NHSL1: variants seen among roughly 807,000 people sequenced by gnomAD.
The protein encoded by NHSL1 is NHS like 1.
In NHSL1, 48 loss-of-function variants were observed where a neutral mutation model predicts 95.0. The observed-to-expected ratio is 0.51, with a 90% CI of 0.40 to 0.64. The LOEUF is 0.64. Ranked by LOEUF, NHSL1 falls within the 30% of genes least tolerant of loss-of-function variation. NHSL1 has a pLI of 0.00. For missense variants in NHSL1, 1,971 were observed against 2,077.7 expected (o/e 0.95, Z 1.00); for synonymous variants, 783 against 833.9 (o/e 0.94, Z 1.05).
At chr6:138,642,354 GAA>G (rs1350567082) in intron 1 of NHSL1, among the ~76,000 whole-genome samples, 1 of 152,120 alleles carries the variant, frequency 6.6e-6, no homozygotes, top group East Asian at 1.9e-4. Context: ...GATGAGTCAG[GAA>G]AAGACTTTGA....
intron 1 of NHSL1, among the ~76,000 whole-genome samples, chr6:138,609,863 T>C (rs948676075): frequency 6.6e-6 from 1 of 151,888 alleles, no homozygotes; most frequent in Non-Finnish European, 1.5e-5. Flanking sequence ...CAGGCACCAA[T>C]ACTCAATAAT....
intron 1 of NHSL1, among the ~76,000 whole-genome samples, chr6:138,636,101 C>T (rs538425684): frequency 8.6e-4 from 122 of 141,096 alleles, no homozygotes; most frequent in African/African-American, 3.0e-3. Context: ...CCAGCCTGGG[C>T]GACATAGTGA....
intron 1 of NHSL1, among the ~76,000 whole-genome samples, chr6:138,684,155 T>C (rs938233427): frequency 1.4e-5 from 2 of 142,674 alleles, no homozygotes; most frequent in Non-Finnish European, 3.0e-5. Flanking sequence ...GAGGTTGCAG[T>C]GAGCCGAGAT....
chr6:138,533,180 G>A (rs1415850127), intron 1 of NHSL1, among the ~76,000 whole-genome samples: 1 of 151,912 alleles, frequency 6.6e-6, no homozygotes, highest in African/African-American at 2.4e-5. Flanking sequence ...TAGATACAGG[G>A]GAACCCTAGA....
intron 1 of NHSL1, among the ~76,000 whole-genome samples, chr6:138,664,716 A>T (rs1785272515): frequency 1.3e-5 from 2 of 152,262 alleles, no homozygotes. Context: ...TTATCTACTG[A>T]TCAGCCTAGA....
intron 1 of NHSL1, among the ~76,000 whole-genome samples, chr6:138,651,281 AG>A (rs1404140889): frequency 7.2e-5 from 11 of 152,246 alleles, no homozygotes; most frequent in Non-Finnish European, 1.2e-4. Flanking sequence ...AGGAACACAA[AG>A]AATTCTATTC....
chr6:138,468,652 G>GA (rs544322973), intron 3 of NHSL1, among the ~76,000 whole-genome samples: 41 of 152,250 alleles, frequency 2.7e-4, no homozygotes, highest in Non-Finnish European at 5.3e-4. Context: ...TCTGGTCCAT[G>GA]AAAAAATAGT....
intron 1 of NHSL1, among the ~76,000 whole-genome samples, chr6:138,607,918 T>C (rs1182576446): frequency 6.6e-6 from 1 of 152,230 alleles, no homozygotes; most frequent in East Asian, 1.9e-4. Flanking sequence ...ATGCCTCTTT[T>C]GGACCTTAGA....
At chr6:138,673,038 GATA>G (rs1562409246) in intron 1 of NHSL1, among the ~76,000 whole-genome samples, 2 of 5,200 alleles carry the variant, frequency 3.8e-4, no homozygotes, top group African/African-American at 8.0e-4. Context: ...TAGGTAGATA[GATA>G]GATAGATAGA....
intron 3 of NHSL1, chr6:138,464,232 C>A: frequency 1.2e-6 from 1 of 822,424 alleles, no homozygotes; most frequent in Non-Finnish European, 2.0e-6. Context: ...GCCAGCTTGG[C>A]CATCACGGCC....
At chr6:138,604,862 G>T (rs1017125931) in intron 1 of NHSL1, among the ~76,000 whole-genome samples, 1 of 152,086 alleles carries the variant, frequency 6.6e-6, no homozygotes, top group Admixed American at 6.5e-5. Flanking sequence ...CTGACCTCAA[G>T]TGATCCGCCC....
chr6:138,606,085 C>T (rs748892171), intron 1 of NHSL1, among the ~76,000 whole-genome samples: 4 of 152,166 alleles, frequency 2.6e-5, no homozygotes, highest in East Asian at 1.9e-4. Context: ...CTGCAAAGTG[C>T]TTTGTGTATA....
intron 3 of NHSL1, among the ~76,000 whole-genome samples, chr6:138,468,772 T>C (rs1778559112): frequency 6.6e-6 from 1 of 152,246 alleles, no homozygotes; most frequent in South Asian, 2.1e-4. Context: ...AAGTATACCC[T>C]ATGATATTTG....
chr6:138,442,650 G>T (rs1481379899), intron 4 of NHSL1, among the ~76,000 whole-genome samples: 2 of 152,202 alleles, frequency 1.3e-5, no homozygotes, highest in Non-Finnish European at 2.9e-5. Context: ...GTTGTGGTGT[G>T]ACATACAACT....
At chr6:138,662,975 G>A (rs1257625144) in intron 1 of NHSL1, among the ~76,000 whole-genome samples, 1 of 148,912 alleles carries the variant, frequency 6.7e-6, no homozygotes, top group Non-Finnish European at 1.5e-5. Flanking sequence ...CTGTGACCCA[G>A]GAACTCTACT....
At chr6:138,641,033 C>G (rs1469978713) in intron 1 of NHSL1, among the ~76,000 whole-genome samples, 1 of 152,238 alleles carries the variant, frequency 6.6e-6, no homozygotes, top group East Asian at 1.9e-4. Flanking sequence ...AGTCCTCCCA[C>G]CCCAAAGCCA....
intron 1 of NHSL1, among the ~76,000 whole-genome samples, chr6:138,538,877 T>C (rs1262846105): frequency 6.6e-6 from 1 of 152,250 alleles, no homozygotes; most frequent in Non-Finnish European, 1.5e-5. Flanking sequence ...TTTATATCTT[T>C]TTGTTATAAG....
intron 1 of NHSL1, among the ~76,000 whole-genome samples, chr6:138,586,929 A>C (rs1784143982): frequency 6.6e-6 from 1 of 151,084 alleles, no homozygotes; most frequent in Non-Finnish European, 1.5e-5. Context: ...GTTCTTATTC[A>C]ATAGGTTATG....
chr6:138,555,265 C>G (rs1429881341), intron 1 of NHSL1, among the ~76,000 whole-genome samples: 2 of 152,148 alleles, frequency 1.3e-5, no homozygotes, highest in Admixed American at 1.3e-4. Context: ...GTAGAAGTAA[C>G]TTACCATTTT....
Sources: gnomAD v4.1 joint callset for allele counts (sites outside exome capture counted in the v4.1 genomes callset) on GRCh38, gnomAD v4.1.1 for gene constraint, MANE v1.5 for transcripts, NCBI Gene and HGNC (gene_info 2026-07-23, HGNC 2026-07-21) for gene names.